Variants in DYNC1I1 observed in about 807,000 individuals in gnomAD.
The protein encoded by DYNC1I1 is dynein cytoplasmic 1 intermediate chain 1, also known as cytoplasmic dynein 1 intermediate chain 1.
A neutral mutation model predicts 86.6 loss-of-function variants in DYNC1I1; 43 were observed. The ratio of observed to expected loss-of-function variants is 0.50; its 90% confidence interval spans 0.39 to 0.64. The LOEUF (loss-of-function observed/expected upper bound fraction) is 0.64, where lower values mean the gene tolerates loss of function less well. Ranked by LOEUF, DYNC1I1 falls within the 30% of genes least tolerant of loss-of-function variation. The pLI is 0.00. For missense variants in DYNC1I1, 604 were observed against 788.8 expected (o/e 0.77, Z 2.81); for synonymous variants, 262 against 283.7 (o/e 0.92, Z 0.77).
intron 6 of DYNC1I1, among the ~76,000 whole-genome samples, chr7:95,878,147 TA>T (rs1294841308): frequency 2.0e-5 from 3 of 152,006 alleles, no homozygotes; most frequent in African/African-American, 7.2e-5. Context: ...GTCAATTTCT[TA>T]AAAAAAGAAA....
intron 6 of DYNC1I1, among the ~76,000 whole-genome samples, chr7:95,889,545 A>G (rs191892471): frequency 9.2e-5 from 14 of 152,324 alleles, no homozygotes. Context: ...ACTGGCAAAG[A>G]TTTCATTTTC....
At chr7:95,936,875 A>G (rs1792054685) in intron 6 of DYNC1I1, among the ~76,000 whole-genome samples, 1 of 151,636 alleles carries the variant, frequency 6.6e-6, no homozygotes. Context: ...GAGAAGTAAC[A>G]GTTCATTGTA....
intron 9 of DYNC1I1, among the ~76,000 whole-genome samples, chr7:95,989,650 T>G (rs1793681520): frequency 6.6e-6 from 1 of 152,226 alleles, no homozygotes; most frequent in Non-Finnish European, 1.5e-5. Flanking sequence ...TGGAGGTGTT[T>G]CCACACAGGG....
chr7:95,892,230 G>T (rs1348802264), intron 6 of DYNC1I1, among the ~76,000 whole-genome samples: 1 of 151,640 alleles, frequency 6.6e-6, no homozygotes, highest in African/African-American at 2.4e-5. Flanking sequence ...TCCACCTCCT[G>T]GGTTCAAGCA....
chr7:95,857,986 A>G (rs920051517), intron 5 of DYNC1I1, among the ~76,000 whole-genome samples: 3 of 152,230 alleles, frequency 2.0e-5, no homozygotes. Flanking sequence ...AGAGGGATAC[A>G]ATTCTATGCC....
chr7:95,813,773 G>T (rs541607509), intron 4 of DYNC1I1, among the ~76,000 whole-genome samples: 3 of 152,154 alleles, frequency 2.0e-5, no homozygotes, highest in Non-Finnish European at 2.9e-5. Context: ...TGAGTTATTT[G>T]CTTAGTAAAG....
At chr7:96,032,225 C>T (rs528406786) in intron 11 of DYNC1I1, among the ~76,000 whole-genome samples, 1 of 152,104 alleles carries the variant, frequency 6.6e-6, no homozygotes, top group Non-Finnish European at 1.5e-5. Flanking sequence ...GACTATAATG[C>T]ATTAAACTCC....
At chr7:95,894,903 G>A (rs1298921196) in intron 6 of DYNC1I1, among the ~76,000 whole-genome samples, 1 of 152,204 alleles carries the variant, frequency 6.6e-6, no homozygotes, top group African/African-American at 2.4e-5. Flanking sequence ...AACTTTTGAA[G>A]CATTGGTTGT....
At chr7:95,893,622 T>C (rs1478865637) in intron 6 of DYNC1I1, among the ~76,000 whole-genome samples, 2 of 152,192 alleles carry the variant, frequency 1.3e-5, no homozygotes, top group East Asian at 3.9e-4. Flanking sequence ...TCCATCATCT[T>C]GCTGGCACTC....
intron 14 of DYNC1I1, among the ~76,000 whole-genome samples, chr7:96,073,917 CAGTT>C (rs1258939818): frequency 6.6e-6 from 1 of 152,096 alleles, no homozygotes; most frequent in African/African-American, 2.4e-5. Flanking sequence ...TGTCATTGGA[CAGTT>C]AGGTTTTATC....
At chr7:95,930,238 A>C (rs2116406319) in intron 6 of DYNC1I1, among the ~76,000 whole-genome samples, 1 of 152,312 alleles carries the variant, frequency 6.6e-6, no homozygotes, top group African/African-American at 2.4e-5. Flanking sequence ...TTTTGCTATT[A>C]AATATTGGCC....
intron 9 of DYNC1I1, among the ~76,000 whole-genome samples, chr7:95,992,610 C>G (rs376375235): frequency 6.6e-6 from 1 of 152,014 alleles, no homozygotes; most frequent in African/African-American, 2.4e-5. Flanking sequence ...GTTCCTTCCT[C>G]TCCAGTAAAT....
At chr7:96,051,890 T>A (rs984433905) in intron 14 of DYNC1I1, among the ~76,000 whole-genome samples, 1 of 152,218 alleles carries the variant, frequency 6.6e-6, no homozygotes, top group Non-Finnish European at 1.5e-5. Context: ...TTTTTAAATA[T>A]CTTCATTTAA....
chr7:95,988,273 A>G (rs940108879), intron 9 of DYNC1I1, among the ~76,000 whole-genome samples: 1 of 152,128 alleles, frequency 6.6e-6, no homozygotes, highest in Non-Finnish European at 1.5e-5. Context: ...GCTATTCGGG[A>G]GGCTGAGGCA....
intron 16 of DYNC1I1, among the ~76,000 whole-genome samples, chr7:96,084,490 A>G (rs1584309501): frequency 1.5e-5 from 2 of 129,224 alleles, no homozygotes; most frequent in East Asian, 2.3e-4. Flanking sequence ...CCCAGGCTGG[A>G]GTGCAATGGC....
Position 95,864,711 on chromosome 7 carries a change from A to G in DYNC1I1, c.375-5172A>G, listed in dbSNP as rs1334559086. Among the ~76,000 whole-genome samples the G allele has an allele frequency of 2.0e-5, 3 of 152,232 alleles. No homozygotes were observed. The East Asian group carries it at 5.8e-4, about 29-fold the overall frequency. On this transcript the variant is annotated intron_variant, in intron 5 of 16. Transcript: ENST00000447467. ...CTTAATATTTTGTATACCGCAATCT[A>G]CTTTCTGTAGCCCTCTTCTTCTCAC...
rs1189430942 is a variant in DYNC1I1 at position 96,074,476 on chromosome 7, G to A, written c.1510-1581G>A. On this transcript the variant is annotated intron_variant, in intron 14 of 16. Transcript: ENST00000447467. ...TGAGGTAGGAGAATGGCGTGAACCCGGGAGGCGGAGCTTGCAATGAGCCGA... is the reference window on the plus strand; with the variant it reads ...TGAGGTAGGAGAATGGCGTGAACCCAGGAGGCGGAGCTTGCAATGAGCCGA... 1.1e-4 allele frequency among the ~76,000 whole-genome samples: 16 copies of A among 151,308 alleles called. 1 individual carries two copies. In the South Asian group the frequency reaches 2.9e-3, roughly 28 times the overall value.
chr7:95,773,923 A>G (rs1233145798), intron 1 of DYNC1I1, among the ~76,000 whole-genome samples: 1 of 152,184 alleles, frequency 6.6e-6, no homozygotes, highest in Non-Finnish European at 1.5e-5. Flanking sequence ...TATTCAGTGC[A>G]ATTTGCAAGC....
chr7:95,823,700 C>T (rs148146699), intron 4 of DYNC1I1, among the ~76,000 whole-genome samples: 31 of 151,932 alleles, frequency 2.0e-4, no homozygotes, highest in Admixed American at 1.4e-3. Context: ...TCCCAGGAAG[C>T]GGGGCTTCAA....
Sources: allele counts gnomAD v4.1 joint callset (sites outside exome capture counted in the v4.1 genomes callset), GRCh38; gene constraint gnomAD v4.1.1; transcripts MANE v1.5; gene names NCBI Gene and HGNC (gene_info 2026-07-23, HGNC 2026-07-21).